STX8: variants seen among roughly 807,000 people sequenced by gnomAD.
STX8 encodes the protein syntaxin 8.
STX8 carries 23 observed loss-of-function variants against 37.5 expected under a neutral mutation model. The ratio of observed to expected loss-of-function variants is 0.61; its 90% CI spans 0.44 to 0.87. The LOEUF (loss-of-function observed/expected upper bound fraction) is 0.87. Ranked by LOEUF, STX8 falls within the 40% of genes least tolerant of loss-of-function variation. The probability of loss-of-function intolerance (pLI) is 0.00; values close to 1 mark genes in which losing one functional copy is unlikely to be tolerated. For synonymous variants in STX8, 115 were observed against 99.1 expected (o/e 1.16, Z -0.95); for missense variants, 313 against 284.7 (o/e 1.10, Z -0.71).
chr17:9,560,595 A>G (rs1907193183), intron 2 of STX8, among the ~76,000 whole-genome samples: 1 of 152,154 alleles, frequency 6.6e-6, no homozygotes, highest in South Asian at 2.1e-4. Context: ...ACTGTGCAAT[A>G]AATACTGCTG....
chr17:9,426,211 A>C (rs1913622973), intron 6 of STX8, among the ~76,000 whole-genome samples: 1 of 152,114 alleles, frequency 6.6e-6, no homozygotes, highest in Non-Finnish European at 1.5e-5. Flanking sequence ...AGGCAGGAGG[A>C]CTGCTTAAGT....
intron 6 of STX8, among the ~76,000 whole-genome samples, chr17:9,434,283 G>A (rs530227494): frequency 9.2e-5 from 14 of 152,314 alleles, no homozygotes; most frequent in African/African-American, 2.6e-4. Context: ...GATTACAGGC[G>A]TGAGCCACTG....
intron 6 of STX8, among the ~76,000 whole-genome samples, chr17:9,410,615 T>C (rs549576187): frequency 4.5e-4 from 68 of 152,332 alleles, no homozygotes; most frequent in African/African-American, 1.5e-3. Context: ...CTTGGAAACC[T>C]TGATCTTTCA....
intron 4 of STX8, among the ~76,000 whole-genome samples, chr17:9,538,642 T>C (rs188953983): frequency 2.2e-4 from 33 of 152,344 alleles, no homozygotes; most frequent in South Asian, 4.1e-4. Context: ...GACGTTTCAT[T>C]ATCATCTTCT....
At chr17:9,370,597 T>A (rs1911372702) in intron 7 of STX8, among the ~76,000 whole-genome samples, 1 of 152,226 alleles carries the variant, frequency 6.6e-6, no homozygotes, top group Non-Finnish European at 1.5e-5. Context: ...TGGGTTGATT[T>A]CTAACCACAT....
chr17:9,422,997 G>T (rs573902045), intron 6 of STX8, among the ~76,000 whole-genome samples: 1 of 152,162 alleles, frequency 6.6e-6, no homozygotes, highest in African/African-American at 2.4e-5. Flanking sequence ...TGTACGTGGT[G>T]ATAAAGAAGC....
chr17:9,295,769 G>A (rs1344063156), intron 7 of STX8, among the ~76,000 whole-genome samples: 1 of 151,402 alleles, frequency 6.6e-6, no homozygotes, highest in Non-Finnish European at 1.5e-5. Context: ...AGGAGGCTGG[G>A]TGCAGTGGCT....
intron 4 of STX8, among the ~76,000 whole-genome samples, chr17:9,521,129 T>G (rs566429454): frequency 6.6e-6 from 1 of 152,334 alleles, no homozygotes; most frequent in South Asian, 2.1e-4. Flanking sequence ...ATAGATTCTT[T>G]GACAGAAATT....
chr17:9,574,863 C>A (rs1050529348), intron 1 of STX8, among the ~76,000 whole-genome samples: 9 of 152,166 alleles, frequency 5.9e-5, no homozygotes, highest in Non-Finnish European at 1.0e-4. Context: ...AAAGTAAATG[C>A]TAAATTAAAT....
At chr17:9,522,690 C>T (rs1243949677) in intron 4 of STX8, among the ~76,000 whole-genome samples, 4 of 150,744 alleles carry the variant, frequency 2.7e-5, no homozygotes, top group Non-Finnish European at 5.9e-5. Context: ...CCAGCCTGGG[C>T]GAAAGAGCGA....
In STX8 at chr17:9,353,892, T is replaced by C. The variant is rs1427756374; in HGVS notation, c.643+24660A>G. 2.6e-5 allele frequency among the ~76,000 whole-genome samples: 4 copies of C among 152,172 alleles called. No homozygotes were observed. In the East Asian group the frequency reaches 7.7e-4, roughly 29 times the overall value. On this transcript the variant is annotated intron_variant, in intron 7 of 7. Coordinates refer to ENST00000306357, the MANE Select transcript of STX8 (RefSeq NM_004853.3). ...AATTTTAACAACTATTTTATCAAAA[T>C]GATTAATGTATAAGCTAAAAAGTCA...
At chr17:9,365,686 CA>C (rs1911207996) in intron 7 of STX8, among the ~76,000 whole-genome samples, 1 of 152,206 alleles carries the variant, frequency 6.6e-6, no homozygotes, top group African/African-American at 2.4e-5. Context: ...CCTCAAAAGA[CA>C]GGGGGGCCAC....
At chr17:9,296,884 G>C (rs1350066993) in intron 7 of STX8, among the ~76,000 whole-genome samples, 1 of 152,156 alleles carries the variant, frequency 6.6e-6, no homozygotes, top group East Asian at 1.9e-4. Context: ...TTTTAGACAA[G>C]TTACTAAACT....
At chr17:9,290,126 C>A (rs1054156047) in intron 7 of STX8, among the ~76,000 whole-genome samples, 3 of 152,144 alleles carry the variant, frequency 2.0e-5, no homozygotes, top group African/African-American at 7.2e-5. Context: ...AAAGCAAAAC[C>A]AAGAAGAGAG....
chr17:9,553,178 T>G (rs552890999), intron 3 of STX8: 2 of 152,300 alleles, frequency 1.3e-5, no homozygotes, highest in South Asian at 4.1e-4. Flanking sequence ...AGCATAACCC[T>G]CTTCTCAGCT....
intron 6 of STX8, among the ~76,000 whole-genome samples, chr17:9,401,670 T>C (rs1419638759): frequency 1.3e-5 from 2 of 152,178 alleles, no homozygotes; most frequent in Admixed American, 1.3e-4. Context: ...TCTCATTCCA[T>C]AGGAACATCA....
At chr17:9,306,260 CACA>C (rs1908980806) in intron 7 of STX8, among the ~76,000 whole-genome samples, 1 of 152,056 alleles carries the variant, frequency 6.6e-6, no homozygotes, top group Non-Finnish European at 1.5e-5. Context: ...GTGATGCTCA[CACA>C]ACAAAATCAC....
chr17:9,354,068 T>C (rs1910798338), intron 7 of STX8, among the ~76,000 whole-genome samples: 1 of 152,174 alleles, frequency 6.6e-6, no homozygotes, highest in South Asian at 2.1e-4. Context: ...GCCCATACCA[T>C]AATCTTTAAA....
chr17:9,300,830 CTTTTTTTT>C (rs1164799565), intron 7 of STX8, among the ~76,000 whole-genome samples: 1 of 90,908 alleles, frequency 1.1e-5, no homozygotes, highest in Non-Finnish European at 2.1e-5. Flanking sequence ...TTATTTTGTT[CTTTTTTTT>C]TTTTTTTTTT....
Sources: allele counts gnomAD v4.1 joint callset (sites outside exome capture counted in the v4.1 genomes callset), GRCh38; gene constraint gnomAD v4.1.1; transcripts MANE v1.5; gene names NCBI Gene and HGNC (gene_info 2026-07-23, HGNC 2026-07-21).